Variants in LINGO2 observed in about 807,000 individuals in gnomAD.
The protein encoded by LINGO2 is leucine rich repeat and Ig domain containing 2.
LINGO2 carries 14 observed loss-of-function variants against 30.6 expected under a neutral mutation model. That is an observed-to-expected ratio of 0.46 (90% CI 0.30 to 0.72). The LOEUF (loss-of-function observed/expected upper bound fraction) is 0.72, where lower values mean the gene tolerates loss of function less well. LINGO2 is among the 30% of genes least tolerant of loss of function. LINGO2 has a pLI of 0.07. For synonymous variants in LINGO2, 317 were observed against 288.5 expected, an observed-to-expected ratio of 1.10 and a Z score of -1.00; for missense variants, 729 against 751.7, an observed-to-expected ratio of 0.97 and a Z score of 0.35.
intron 2 of LINGO2, among the ~76,000 whole-genome samples, chr9:28,449,314 C>A (rs984908134): frequency 6.6e-6 from 1 of 152,146 alleles, no homozygotes; most frequent in Non-Finnish European, 1.5e-5. Flanking sequence ...TAATTTCTTA[C>A]TTCTTGCATA....
At chr9:29,059,413 T>TA in the LINGO2 span, among the ~76,000 whole-genome samples, 29,434 of 138,326 alleles carry the variant, frequency 0.21, 3,093 homozygotes, top group East Asian at 0.39. Context: ...AGATTAAAAT[T>TA]AAAAAATAAA....
chr9:28,025,839 TAC>T lies in LINGO2; in HGVS notation c.-86-13436_-86-13435del, dbSNP rs565534433. Among the ~76,000 whole-genome samples, 6 of 152,328 alleles carry T rather than the reference TAC, an allele frequency of 3.9e-5. No individual in the cohort carries two copies. In the South Asian group the frequency reaches 1.2e-3, roughly 32 times the overall value. ...CCACTGCTGAGGATGGCTGGATTCA[TAC>T]CTGTGTAGATTACAGGGGGTTAAAT... On this transcript the variant is annotated intron_variant, in intron 4 of 5. Transcript: ENST00000379992.
Position 28,147,643 on chromosome 9 carries a change from G to A in LINGO2, c.-86-135238C>T, listed in dbSNP as rs1047174995. Among the ~76,000 whole-genome samples the A allele has an allele frequency of 6.6e-6, 1 of 152,164 alleles. No homozygotes were observed. The highest frequency in any genetic ancestry group is 1.9e-4 in the East Asian group (1 of 5,138). On this transcript the variant is annotated intron_variant, in intron 4 of 5. Coordinates refer to ENST00000379992, the Ensembl canonical transcript of LINGO2. The surrounding 1 kb of genome is among the most constrained non-coding windows in gnomAD (Gnocchi z 4.7). ...GGGTGCCAGCCAGCACCTGGGCGAG[G>A]TGCCAGGTGGAAGGGCTCTGGCGGA...
chr9:28,009,651 A>C (rs531060004), intron 5 of LINGO2, among the ~76,000 whole-genome samples: 1 of 152,338 alleles, frequency 6.6e-6, no homozygotes, highest in Non-Finnish European at 1.5e-5. Flanking sequence ...GACAAATCGA[A>C]GCCACAATGA....
the LINGO2 span, among the ~76,000 whole-genome samples, chr9:29,170,498 A>G: frequency 1.3e-5 from 2 of 152,278 alleles, no homozygotes; most frequent in African/African-American, 4.8e-5. Flanking sequence ...AATGTATACT[A>G]TTCAGGTAAA....
the LINGO2 span, among the ~76,000 whole-genome samples, chr9:29,185,344 G>A: frequency 3.3e-5 from 5 of 152,026 alleles, no homozygotes; most frequent in African/African-American, 1.2e-4. Context: ...AGGAAAAATT[G>A]CAAATCACAT....
the LINGO2 span, among the ~76,000 whole-genome samples, chr9:28,902,729 G>A: frequency 6.6e-6 from 1 of 151,864 alleles, no homozygotes; most frequent in African/African-American, 2.4e-5. Context: ...ATAACAGAAA[G>A]AATCTTGGAA....
At chr9:28,847,118 A>G in the LINGO2 span, among the ~76,000 whole-genome samples, 3 of 145,374 alleles carry the variant, frequency 2.1e-5, 1 homozygote, top group Non-Finnish European at 4.5e-5. Flanking sequence ...AATTCTCTCA[A>G]TCAGAGGGGT....
chr9:28,560,035 G>T (rs1010063778), intron 1 of LINGO2, among the ~76,000 whole-genome samples: 20 of 150,084 alleles, frequency 1.3e-4, no homozygotes, highest in Admixed American at 1.0e-3. Flanking sequence ...GCTGCCTTTG[G>T]TCTTCTTCTC....
At chr9:28,525,918 T>C (rs1564266602) in intron 1 of LINGO2, among the ~76,000 whole-genome samples, 2 of 151,300 alleles carry the variant, frequency 1.3e-5, no homozygotes, top group Non-Finnish European at 2.9e-5. Flanking sequence ...TAGCGGGGCG[T>C]GGTGGCGGGC....
In LINGO2 at chr9:28,008,278, T is replaced by C. The variant is rs1456161462; in HGVS notation, c.-36+4077A>G. 2.6e-5 allele frequency among the ~76,000 whole-genome samples: 4 copies of C among 152,088 alleles called. 1 individual carries two copies. The highest frequency in any genetic ancestry group is 2.0e-4 in the Admixed American group (3 of 15,260). The stretch of plus-strand genomic sequence containing the variant: ...GCCTTCTGGTATTTATTCCTCTATA[T>C]CATCATAACTTGTGTGTTAAAAATA... On this transcript the variant is annotated intron_variant, in intron 5 of 5. Transcript: ENST00000379992.
At chr9:28,248,321 G>A (rs957920022) in intron 4 of LINGO2, among the ~76,000 whole-genome samples, 3 of 152,122 alleles carry the variant, frequency 2.0e-5, no homozygotes, top group Non-Finnish European at 4.4e-5. Context: ...GGATGGAACT[G>A]GAAGTCATTA....
chr9:28,053,645 A>G (rs1824779714), intron 4 of LINGO2, among the ~76,000 whole-genome samples: 1 of 152,082 alleles, frequency 6.6e-6, no homozygotes, highest in Non-Finnish European at 1.5e-5. Context: ...CTGGTTGCAA[A>G]TCAAGATCAC....
intron 1 of LINGO2, among the ~76,000 whole-genome samples, chr9:28,609,943 G>T (rs1825847218): frequency 6.6e-6 from 1 of 152,036 alleles, no homozygotes. Context: ...ACTTGTCATT[G>T]AAAGACATAT....
At chr9:28,415,723 T>C (rs1822941162) in intron 2 of LINGO2, among the ~76,000 whole-genome samples, 1 of 152,206 alleles carries the variant, frequency 6.6e-6, no homozygotes, top group Admixed American at 6.6e-5. Flanking sequence ...AGTTTTTAAT[T>C]ATTTTATTTG....
At chr9:28,350,028 C>A (rs1195879381) in intron 3 of LINGO2, among the ~76,000 whole-genome samples, 1 of 151,920 alleles carries the variant, frequency 6.6e-6, no homozygotes. Context: ...ACAACCGGTA[C>A]CAGCCGCTGC....
At chr9:29,028,418 G>GT in the LINGO2 span, among the ~76,000 whole-genome samples, 30 of 45,708 alleles carry the variant, frequency 6.6e-4, 1 homozygote, top group South Asian at 0.011. Context: ...TGGGTAGTGT[G>GT]TGGGGGGGGG....
At chr9:28,996,280 A>G in the LINGO2 span, among the ~76,000 whole-genome samples, 7 of 152,192 alleles carry the variant, frequency 4.6e-5, no homozygotes, top group African/African-American at 1.7e-4. Context: ...GCACAATTAT[A>G]CTGAATGCAT....
intron 5 of LINGO2, among the ~76,000 whole-genome samples, chr9:27,964,844 A>G (rs1383886980): frequency 1.3e-5 from 2 of 152,022 alleles, no homozygotes; most frequent in African/African-American, 2.4e-5. Flanking sequence ...TAGTTATTCC[A>G]TAGTCTCTAG....
Sources: gnomAD v4.1 joint callset for allele counts (sites outside exome capture counted in the v4.1 genomes callset) on GRCh38, gnomAD v4.1.1 for gene constraint, Gnocchi (gnomAD v3.1) non-coding constraint, MANE v1.5 for transcripts, NCBI Gene and HGNC (gene_info 2026-07-23, HGNC 2026-07-21) for gene names.